Variants in FAM240C observed in about 807,000 individuals in gnomAD.
FAM240C encodes family with sequence similarity 240 member C.
Under a neutral mutation model 10.0 loss-of-function variants are expected in FAM240C, and 14 were observed. The ratio of observed to expected loss-of-function variants is 1.40; its 90% CI spans 0.92 to 2.19. The LOEUF is 2.19. Among genes scored for constraint, FAM240C ranks in the 30% most tolerant of loss-of-function variants. The pLI is 0.00. For missense variants in FAM240C, 154 were observed against 122.3 expected, an observed-to-expected ratio of 1.26 and a Z score of -1.22; for synonymous variants, 49 against 44.3, an observed-to-expected ratio of 1.11 and a Z score of -0.42.
chr2:241,901,736 G>A (rs1701988054), upstream of FAM240C, among the ~76,000 whole-genome samples: 1 of 152,246 alleles, frequency 6.6e-6, no homozygotes, highest in Non-Finnish European at 1.5e-5. This position sits in a 1 kb window ranked among gnomAD's most constrained non-coding sequence, Gnocchi z 4.9. Flanking sequence ...CAGCACCGAT[G>A]GGAGGAAGCC....
rs979018032 is a variant in FAM240C, at chr2:241,897,292, C to G, written c.55G>C (p.Ala19Pro). The part of the protein sequence containing the change: ...SLTLKNPGRV[A>P]YDSGGIKMFW... ...ATCTTTATCCCGCCTGAATCGTATG[C>G]TACTCTTCCAGGATTCTTAAGAGTG... Residue 19 changes from alanine to proline, a missense_variant, in exon 2 of 3, where the codon GCA becomes CCA. By Grantham distance (27) the Ala-to-Pro change is conservative. Transcript: ENST00000404031. The G allele has an allele frequency of 1.3e-6, 2 of 1,549,810 alleles. No homozygotes were observed. Among genetic ancestry groups the G allele is most frequent in the African/African-American group, 1.4e-5 (1 of 73,116 alleles).
chr2:241,897,227 C>T lies in FAM240C; in HGVS notation c.120G>A (p.Leu40=), dbSNP rs2124923424. 3 of 1,550,010 alleles carry T rather than the reference C, an allele frequency of 1.9e-6. No individual in the cohort carries two copies. The highest frequency in any genetic ancestry group is 1.2e-5 in the South Asian group (1 of 84,066). The change falls in exon 2 of 3, where the codon CTG becomes CTA. Residue 40 remains leucine (L), a synonymous_variant. Coordinates refer to ENST00000404031, the MANE Select transcript of FAM240C (RefSeq NM_001382368.1). ...EKKIEHHARH[L]QNEDIRVRRS... Reference sequence around the variant, plus strand: ...TGCGAACCCTGATGTCCTCGTTCTGCAGGTGTCTTGCGTGATGCTCGATTT... The same window carrying T: ...TGCGAACCCTGATGTCCTCGTTCTGTAGGTGTCTTGCGTGATGCTCGATTT...
chr2:241,902,013 C>A (rs1701994157), upstream of FAM240C, among the ~76,000 whole-genome samples: 1 of 152,212 alleles, frequency 6.6e-6, no homozygotes, highest in African/African-American at 2.4e-5. The surrounding 1 kb of genome is among the most constrained non-coding windows in gnomAD (Gnocchi z 7.1). Flanking sequence ...AGCAGCAAGG[C>A]GGCAGGGAGC....
rs1338448420 is a variant in FAM240C, at chr2:241,894,095, G to A, written c.*118C>T. The A allele has an allele frequency of 1.6e-5, 19 of 1,209,054 alleles. No homozygotes were observed. Among genetic ancestry groups the A allele is most frequent in the Non-Finnish European group, 1.9e-5 (17 of 881,360 alleles). The allele number at this position is 1,209,054 out of a possible 1,614,324, so 74.9% of individuals were successfully genotyped here. On this transcript the variant is annotated 3_prime_UTR_variant, in exon 3 of 3. Transcript: ENST00000404031. Reference sequence around the variant, plus strand: ...GATTATTACGGGGTCAGCGAGGTGCGGGCCATTTCCATGATGAAGATCCTG... The same window carrying A: ...GATTATTACGGGGTCAGCGAGGTGCAGGCCATTTCCATGATGAAGATCCTG...
intron 1 of FAM240C, among the ~76,000 whole-genome samples, chr2:241,899,660 C>T (rs1326699436): frequency 6.6e-6 from 1 of 152,224 alleles, no homozygotes; most frequent in East Asian, 1.9e-4. Flanking sequence ...GCAGCGTGGG[C>T]GTTAGAGCTT....
chr2:241,899,294 G>A, intron 1 of FAM240C: 1 of 985,448 alleles, frequency 1.0e-6, no homozygotes, highest in Non-Finnish European at 1.2e-6. Flanking sequence ...GCGCTTTGCT[G>A]GGGAGCTGCC....
chr2:241,901,338 C>A (rs1163087939), upstream of FAM240C, among the ~76,000 whole-genome samples: 2 of 152,240 alleles, frequency 1.3e-5, no homozygotes, highest in African/African-American at 4.8e-5. The surrounding 1 kb of genome is among the most constrained non-coding windows in gnomAD (Gnocchi z 4.9). Flanking sequence ...CCTCCGTGAT[C>A]TCGTTTCAGT....
rs769972384 is a variant in FAM240C at position 241,897,191 on chromosome 2, C to T, written c.156G>A (p.Leu52=). The T allele has an allele frequency of 3.9e-6, 6 of 1,549,630 alleles. No homozygotes were observed. Among genetic ancestry groups the T allele is most frequent in the Non-Finnish European group, 5.2e-6 (6 of 1,146,436 alleles). Residue 52 remains leucine, a synonymous_variant, in exon 2 of 3, where the codon CTG becomes CTA. Transcript: ENST00000404031. ...NEDIRVRRSA[L]NKLRVGWAEQ... is the part of the protein sequence containing the mutation. ...CACTGCACACCCCGACTCACTTGTTCAGAGCGCTTCTGCGAACCCTGATGT... is the reference window on the plus strand; with the variant it reads ...CACTGCACACCCCGACTCACTTGTTTAGAGCGCTTCTGCGAACCCTGATGT...
chr2:241,901,295 A>C (rs1701976474), upstream of FAM240C, among the ~76,000 whole-genome samples: 2 of 152,144 alleles, frequency 1.3e-5, no homozygotes, highest in Non-Finnish European at 2.9e-5. The surrounding 1 kb of genome is among the most constrained non-coding windows in gnomAD (Gnocchi z 4.9). Context: ...TCCAGGCCTC[A>C]GGGAGCCGGC....
chr2:241,894,605 C>T (rs577991027), intron 2 of FAM240C, among the ~76,000 whole-genome samples: 27 of 151,218 alleles, frequency 1.8e-4, no homozygotes, highest in African/African-American at 5.6e-4. Flanking sequence ...ACTCAGGACC[C>T]TCCTCACAGG....
At chr2:241,899,439 G>T in intron 1 of FAM240C, 1 of 656,288 alleles carries the variant, frequency 1.5e-6, no homozygotes, top group Non-Finnish European at 1.9e-6. Context: ...AATTCAGTGA[G>T]TGAAAACTCA....
At position 241,894,341 on chromosome 2, in the gene FAM240C, T is replaced by A. The variant is rs578234719; in HGVS notation, c.162-2A>T. The stretch of plus-strand genomic sequence containing the variant: ...TGCTCAGCCCATCCCACGCGGAGCC[T>A]GGGGCAGGGCGATAATTTCGGCATT... On this transcript the variant is annotated splice_acceptor_variant, in intron 2 of 2. Coordinates refer to ENST00000404031, the MANE Select transcript of FAM240C (RefSeq NM_001382368.1). LOFTEE classifies it high-confidence loss of function. 3.9e-6 allele frequency: 6 copies of A among 1,541,220 alleles called. No homozygotes were observed. The highest frequency in any genetic ancestry group is 5.3e-6 in the Non-Finnish European group (6 of 1,142,484).
chr2:241,894,827 CCA>C (rs1428960709), intron 2 of FAM240C, among the ~76,000 whole-genome samples: 1 of 152,104 alleles, frequency 6.6e-6, no homozygotes, highest in Non-Finnish European at 1.5e-5. Flanking sequence ...CTGTGGGTGC[CCA>C]CTTCCTTCTC....
intron 2 of FAM240C, among the ~76,000 whole-genome samples, chr2:241,894,807 G>A (rs532100671): frequency 4.6e-4 from 70 of 152,288 alleles, no homozygotes; most frequent in African/African-American, 1.7e-3. Flanking sequence ...CCTGCACCCT[G>A]CCCGGCTGCC....
chr2:241,897,386 G>T, intron 1 of FAM240C, 52 bp from the exon 2 acceptor site: 1 of 1,531,182 alleles, frequency 6.5e-7, no homozygotes, highest in East Asian at 2.5e-5. Context: ...CATTCCCATT[G>T]ACGAGTTTGT....
chr2:241,899,179 C>CT, intron 1 of FAM240C: 1 of 1,304,136 alleles, frequency 7.7e-7, no homozygotes, highest in Non-Finnish European at 1.0e-6. Flanking sequence ...TGAACAGGTG[C>CT]TGGGGACTCC....
upstream of FAM240C, among the ~76,000 whole-genome samples, chr2:241,900,633 C>T (rs1212447770): frequency 2.0e-5 from 3 of 152,124 alleles, no homozygotes; most frequent in Non-Finnish European, 4.4e-5. This position sits in a 1 kb window ranked among gnomAD's most constrained non-coding sequence, Gnocchi z 4.5. Flanking sequence ...CAGCCCCCAT[C>T]GGGACTGTTT....
chr2:241,897,506 G>T (rs1701881650), intron 1 of FAM240C, among the ~76,000 whole-genome samples, 172 bp from the exon 2 acceptor site: 2 of 152,160 alleles, frequency 1.3e-5, no homozygotes, highest in Non-Finnish European at 2.9e-5. Flanking sequence ...TCAGGCCTCA[G>T]GTGGCTCCTG....
intron 1 of FAM240C, among the ~76,000 whole-genome samples, chr2:241,897,891 T>C (rs538186418): frequency 6.6e-6 from 1 of 152,292 alleles, no homozygotes; most frequent in South Asian, 2.1e-4. Flanking sequence ...TGCACCACCA[T>C]GCCCAGCTAA....
Sources: allele counts gnomAD v4.1 joint callset (sites outside exome capture counted in the v4.1 genomes callset), GRCh38; gene constraint gnomAD v4.1.1; non-coding constraint Gnocchi (gnomAD v3.1); transcripts MANE v1.5; gene names NCBI Gene and HGNC (gene_info 2026-07-23, HGNC 2026-07-21).